Variants in INO80 observed in about 807,000 individuals in gnomAD.
The protein encoded by INO80 is INO80 complex ATPase subunit.
In INO80, 20 loss-of-function variants were observed where a neutral mutation model predicts 203.4. The ratio of observed to expected loss-of-function variants is 0.10; its 90% CI spans 0.07 to 0.14. The LOEUF (loss-of-function observed/expected upper bound fraction) is 0.14. Among genes scored for constraint, INO80 ranks in the 10% least tolerant of loss-of-function variants. The pLI is 1.00. For missense variants in INO80, 1,419 were observed against 1,914.4 expected, an observed-to-expected ratio of 0.74 and a Z score of 4.83; for synonymous variants, 726 against 685.2, an observed-to-expected ratio of 1.06 and a Z score of -0.93.
chr15:41,033,695 C>T (rs1318103844), intron 24 of INO80, among the ~76,000 whole-genome samples: 1 of 152,060 alleles, frequency 6.6e-6, no homozygotes, highest in Non-Finnish European at 1.5e-5. Context: ...AGTTTTTGTT[C>T]TACAAACATA....
At chr15:41,103,512 C>T (rs944349319) in intron 1 of INO80, among the ~76,000 whole-genome samples, 1 of 152,188 alleles carries the variant, frequency 6.6e-6, no homozygotes, top group Non-Finnish European at 1.5e-5. Flanking sequence ...GCCTCAGCCT[C>T]CCAGGTAGCT....
intron 27 of INO80, chr15:41,013,079 C>CAACAAT (rs2044154887): frequency 6.6e-6 from 1 of 151,632 alleles, no homozygotes. Flanking sequence ...CACATAACAA[C>CAACAAT]AACAACAACA....
At chr15:41,045,903 GA>G (rs11303324) in intron 23 of INO80, among the ~76,000 whole-genome samples, 129,715 of 146,966 alleles carry the variant, frequency 0.88, 59,122 homozygotes, top group East Asian at 1. Flanking sequence ...TTCATCTCGG[GA>G]AAAAAAAAAA....
intron 29 of INO80, among the ~76,000 whole-genome samples, chr15:40,990,153 CAAGG>C (rs1296026664): frequency 6.6e-6 from 1 of 151,954 alleles, no homozygotes; most frequent in Non-Finnish European, 1.5e-5. Flanking sequence ...ATCTTACAAG[CAAGG>C]AAGAGACTGG....
At chr15:41,024,205 C>T (rs1450173142) in intron 25 of INO80, among the ~76,000 whole-genome samples, 1 of 152,152 alleles carries the variant, frequency 6.6e-6, no homozygotes. Context: ...TTTTGAGAGG[C>T]TTCTTTGGCC....
intron 7 of INO80, among the ~76,000 whole-genome samples, chr15:41,085,092 A>G (rs1470423656): frequency 2.6e-5 from 4 of 152,170 alleles, no homozygotes; most frequent in Non-Finnish European, 5.9e-5. Context: ...ATCTATTGCT[A>G]TATTTAGGAA....
intron 27 of INO80, chr15:41,011,588 T>C (rs1435307873): frequency 6.6e-6 from 1 of 152,164 alleles, no homozygotes; most frequent in Non-Finnish European, 1.5e-5. Context: ...TTTCTTTTTT[T>C]TTTTTTGAAA....
At chr15:41,044,638 T>A (rs1183024052) in intron 24 of INO80, among the ~76,000 whole-genome samples, 1 of 152,146 alleles carries the variant, frequency 6.6e-6, no homozygotes, top group Non-Finnish European at 1.5e-5. Flanking sequence ...CACAAGTGTA[T>A]ACACATATAT....
At chr15:41,110,713 G>C (rs954639669) in intron 1 of INO80, among the ~76,000 whole-genome samples, 1 of 152,176 alleles carries the variant, frequency 6.6e-6, no homozygotes, top group Non-Finnish European at 1.5e-5. Context: ...TTACAGGTGT[G>C]AGCTACCATG....
At chr15:41,004,459 T>C (rs879711539) in intron 28 of INO80, 1 of 152,206 alleles carries the variant, frequency 6.6e-6, no homozygotes, top group Non-Finnish European at 1.5e-5. Flanking sequence ...TAAGAGGCCA[T>C]GCAATTAAAA....
At chr15:40,987,063 G>T in intron 31 of INO80, 28 bp downstream of exon 31, 1 of 1,265,360 alleles carries the variant, frequency 7.9e-7, no homozygotes, top group Non-Finnish European at 1.2e-6. Context: ...ATACGTGAGG[G>T]GAGTGTATAG....
chr15:41,087,341 G>A (rs908570841), intron 6 of INO80, among the ~76,000 whole-genome samples: 1 of 152,138 alleles, frequency 6.6e-6, no homozygotes, highest in Non-Finnish European at 1.5e-5. Context: ...TAATGAATTT[G>A]AGCATCTCTG....
chr15:41,035,821 CAAAAAAAAA>C lies in INO80; in HGVS notation c.2908-8094_2908-8086del, dbSNP rs71104768. Among the ~76,000 whole-genome samples the C allele has an allele frequency of 2.3e-3, 46 of 20,146 alleles. No individual in the cohort carries two copies. In the East Asian group the frequency reaches 0.076, roughly 33 times the overall value. The allele number at this position is 20,146 out of a possible 152,430, so 13.2% of individuals were successfully genotyped here. A position where few individuals can be genotyped will look rare whatever the true frequency, so the allele number is the denominator to read the frequency against. The stretch of plus-strand genomic sequence containing the variant: ...TGGGGGACAGAGTGAGACTCTGTCT[CAAAAAAAAA>C]AAAAAAAAAAAAAAAAAGTCTGGCG... On this transcript the variant is annotated intron_variant, in intron 24 of 35. Coordinates refer to ENST00000648947, the MANE Select transcript of INO80 (RefSeq NM_017553.3).
At chr15:41,079,390 A>G (rs959279697) in intron 9 of INO80, among the ~76,000 whole-genome samples, 1 of 152,120 alleles carries the variant, frequency 6.6e-6, no homozygotes, top group African/African-American at 2.4e-5. Context: ...AGAAAAGAGA[A>G]AAAGGCCTGA....
At chr15:41,057,068 C>A (rs994457763) in intron 16 of INO80, among the ~76,000 whole-genome samples, 1 of 152,172 alleles carries the variant, frequency 6.6e-6, no homozygotes, top group African/African-American at 2.4e-5. Flanking sequence ...AATTATTAAT[C>A]TGTGCACTTC....
intron 14 of INO80, among the ~76,000 whole-genome samples, chr15:41,062,719 C>T (rs2045134390): frequency 6.6e-6 from 1 of 152,094 alleles, no homozygotes; most frequent in South Asian, 2.1e-4. Context: ...TCACAGGAGT[C>T]CCCCTCACCC....
intron 21 of INO80, among the ~76,000 whole-genome samples, chr15:41,048,612 G>A (rs2044809224): frequency 6.6e-6 from 1 of 152,112 alleles, no homozygotes; most frequent in South Asian, 2.1e-4. Flanking sequence ...TATTAACCTG[G>A]AGCTACAAAT....
At chr15:41,079,376 T>C (rs2045450068) in intron 9 of INO80, among the ~76,000 whole-genome samples, 1 of 151,962 alleles carries the variant, frequency 6.6e-6, no homozygotes, top group African/African-American at 2.4e-5. Flanking sequence ...GAAGACAGCT[T>C]AGAAGAAAAG....
intron 29 of INO80, among the ~76,000 whole-genome samples, chr15:40,991,018 G>A (rs2043810576): frequency 2.0e-5 from 3 of 152,134 alleles, no homozygotes; most frequent in African/African-American, 7.2e-5. Flanking sequence ...GGATGTGGGT[G>A]GTGGAGGTGG....
Sources: allele counts gnomAD v4.1 joint callset (sites outside exome capture counted in the v4.1 genomes callset), GRCh38; gene constraint gnomAD v4.1.1; transcripts MANE v1.5; gene names NCBI Gene and HGNC (gene_info 2026-07-23, HGNC 2026-07-21).